ZSCAN4: variants seen among roughly 807,000 people sequenced by gnomAD.
ZSCAN4 encodes zinc finger and SCAN domain-containing protein 4.
A neutral mutation model predicts 18.3 loss-of-function variants in ZSCAN4; 18 were observed. The observed-to-expected ratio is 0.98, with a 90% confidence interval of 0.68 to 1.46. The LOEUF (loss-of-function observed/expected upper bound fraction) is 1.46, where lower values mean the gene tolerates loss of function less well. ZSCAN4 is among the 40% of genes most tolerant of loss of function. ZSCAN4 has a pLI of 0.00. For missense variants in ZSCAN4, 498 were observed against 511.4 expected (o/e 0.97, Z 0.25); for synonymous variants, 193 against 180.3 (o/e 1.07, Z -0.57).
chr19:57,653,754 G>A, the ZSCAN4 span, among the ~76,000 whole-genome samples: 3 of 152,206 alleles, frequency 2.0e-5, no homozygotes. Flanking sequence ...CTCACCAGGA[G>A]CCTGTTTTAA....
At chr19:57,678,032 G>A in exon 4 of ZSCAN4, 1 of 1,595,088 alleles carries the variant, frequency 6.3e-7, no homozygotes, top group Non-Finnish European at 8.5e-7. Flanking sequence ...GCAAACATGG[G>A]GACACCCTCC....
chr19:57,655,376 T>A, the ZSCAN4 span, among the ~76,000 whole-genome samples: 1 of 152,176 alleles, frequency 6.6e-6, no homozygotes, highest in Non-Finnish European at 1.5e-5. Context: ...ACAAGCCCTT[T>A]ACTCTGTATG....
At chr19:57,659,144 A>G in the ZSCAN4 span, among the ~76,000 whole-genome samples, 1 of 152,102 alleles carries the variant, frequency 6.6e-6, no homozygotes, top group Non-Finnish European at 1.5e-5. Flanking sequence ...TGTAAGTCCT[A>G]CTATGAACAC....
At chr19:57,678,896 A>G in exon 5 of ZSCAN4, 1 of 1,588,832 alleles carries the variant, frequency 6.3e-7, no homozygotes, top group Non-Finnish European at 8.5e-7. Flanking sequence ...CCACACCAGA[A>G]GCTTCCTAAG....
At chr19:57,657,307 A>G in the ZSCAN4 span, among the ~76,000 whole-genome samples, 1 of 151,790 alleles carries the variant, frequency 6.6e-6, no homozygotes, top group Non-Finnish European at 1.5e-5. Context: ...AAAAAAAAAA[A>G]GGCAAAATAT....
At position 57,676,094 on chromosome 19, in the gene ZSCAN4, G is replaced by T; in HGVS notation, c.-52G>T. ...TTGAAACAAATCCCTAGAGACACAA[G>T]GCAAGAGACTGAATCATCAAAGTAA... On this transcript the variant is annotated 5_prime_UTR_variant, in exon 3 of 5. It adds an upstream start codon to the 5' untranslated region. Coordinates refer to ENST00000318203, the Ensembl canonical transcript of ZSCAN4. 6.6e-7 allele frequency: 1 copy of T among 1,523,658 alleles called. No homozygotes were observed. Among genetic ancestry groups the T allele is most frequent in the South Asian group, 1.3e-5 (1 of 77,180 alleles). The allele number at this position is 1,523,658 out of a possible 1,614,324, so 94.4% of individuals were successfully genotyped here.
intron 2 of ZSCAN4, among the ~76,000 whole-genome samples, chr19:57,671,377 G>C (rs1404483575): frequency 6.6e-6 from 1 of 151,974 alleles, no homozygotes; most frequent in Admixed American, 6.6e-5. Context: ...TATGTGGGAC[G>C]GAGTGCATGT....
chr19:57,657,857 T>C, the ZSCAN4 span, among the ~76,000 whole-genome samples: 1 of 152,226 alleles, frequency 6.6e-6, no homozygotes. Flanking sequence ...ATAGTTGCTA[T>C]ACATTGTCAC....
At chr19:57,672,343 A>G (rs575278109) in intron 2 of ZSCAN4, among the ~76,000 whole-genome samples, 62 of 152,268 alleles carry the variant, frequency 4.1e-4, no homozygotes, top group African/African-American at 1.5e-3. Context: ...TGTAGCTGGT[A>G]GTGGCCTTGC....
chr19:57,676,590 G>T (rs143154031), intron 3 of ZSCAN4, 49 bp downstream of exon 3: 1 of 1,541,784 alleles, frequency 6.5e-7, no homozygotes, highest in Non-Finnish European at 8.7e-7. Context: ...GGAAAGTAAG[G>T]AATAAATCAC....
chr19:57,662,514 G>A, the ZSCAN4 span, among the ~76,000 whole-genome samples: 1 of 151,852 alleles, frequency 6.6e-6, no homozygotes, highest in Non-Finnish European at 1.5e-5. Context: ...ATCCAAGATT[G>A]TAAAAATATA....
At chr19:57,653,128 C>T in the ZSCAN4 span, among the ~76,000 whole-genome samples, 30 of 152,310 alleles carry the variant, frequency 2.0e-4, no homozygotes, top group Admixed American at 1.6e-3. Flanking sequence ...TAAAGCCACT[C>T]TTAAGGTAGT....
chr19:57,676,802 C>G (rs1435165688), intron 3 of ZSCAN4, among the ~76,000 whole-genome samples: 1 of 152,198 alleles, frequency 6.6e-6, no homozygotes, highest in Non-Finnish European at 1.5e-5. Flanking sequence ...TAATTTTAGT[C>G]TGCATAATGG....
At chr19:57,664,398 T>G (rs1438491139), upstream of ZSCAN4, 1 of 152,334 alleles carries the variant, frequency 6.6e-6, no homozygotes, top group Non-Finnish European at 1.5e-5. Context: ...CCGCTCAGCG[T>G]CTGGGACCCA....
At position 57,678,387 on chromosome 19, in the gene ZSCAN4, A is replaced by T. The variant is rs772982383; in HGVS notation, c.784A>T (p.Thr262Ser). The T allele has an allele frequency of 1.1e-5, 18 of 1,614,032 alleles. No homozygotes were observed. Among genetic ancestry groups the T allele is most frequent in the Admixed American group, 6.7e-5 (4 of 59,998 alleles). Residue 262 changes from threonine to serine, a missense_variant, in exon 5 of 5, where the codon ACT becomes TCT. Physicochemically the swap from Thr to Ser is moderately conservative, Grantham distance 58 (BLOSUM62 1). Transcript: ENST00000318203. ...TCAGGAAGGGTCCATAAATGGAATCACTTTCCAAGGTGTCCCTATGGTGAT... is the reference window on the plus strand; with the variant it reads ...TCAGGAAGGGTCCATAAATGGAATCTCTTTCCAAGGTGTCCCTATGGTGAT...
At chr19:57,672,745 G>A (rs539219431) in intron 2 of ZSCAN4, among the ~76,000 whole-genome samples, 16 of 152,020 alleles carry the variant, frequency 1.1e-4, no homozygotes, top group Admixed American at 6.6e-4. Flanking sequence ...TGGGATTACC[G>A]GTGCATGCCA....
At chr19:57,656,544 T>C in the ZSCAN4 span, among the ~76,000 whole-genome samples, 1 of 152,204 alleles carries the variant, frequency 6.6e-6, no homozygotes, top group Non-Finnish European at 1.5e-5. Context: ...GTGGTCAGAC[T>C]TCCCCTGAAG....
At chr19:57,673,161 GC>G (rs35930062) in intron 2 of ZSCAN4, among the ~76,000 whole-genome samples, 24,652 of 151,880 alleles carry the variant, frequency 0.16, 2,101 homozygotes, top group East Asian at 0.25. Flanking sequence ...CGATTCTCCT[GC>G]CTCAGCCTAC....
At chr19:57,657,999 G>A in the ZSCAN4 span, among the ~76,000 whole-genome samples, 8 of 152,110 alleles carry the variant, frequency 5.3e-5, no homozygotes, top group Admixed American at 5.2e-4. Context: ...AATTTGCAGT[G>A]GGTTGAATCT....
Sources: gnomAD v4.1 joint callset for allele counts (sites outside exome capture counted in the v4.1 genomes callset) on GRCh38, gnomAD v4.1.1 for gene constraint, MANE v1.5 for transcripts, NCBI Gene and HGNC (gene_info 2026-07-23, HGNC 2026-07-21) for gene names.